CSNK1A1: variants seen among roughly 807,000 people sequenced by gnomAD.
The protein encoded by CSNK1A1 is casein kinase 1 alpha 1.
CSNK1A1 carries 7 observed loss-of-function variants against 46.1 expected under a neutral mutation model. That is an observed-to-expected ratio of 0.15 (90% confidence interval 0.09 to 0.29). The LOEUF is 0.29. Ranked by LOEUF, CSNK1A1 falls within the 10% of genes least tolerant of loss-of-function variation. The probability of loss-of-function intolerance (pLI) is 1.00; values close to 1 mark genes in which losing one functional copy is unlikely to be tolerated. For missense variants in CSNK1A1, 96 were observed against 417.1 expected, an observed-to-expected ratio of 0.23 and a Z score of 6.71; for synonymous variants, 137 against 141.5, an observed-to-expected ratio of 0.97 and a Z score of 0.23.
chr5:149,503,648 C>A (rs1760941642), intron 9 of CSNK1A1: 1 of 985,262 alleles, frequency 1.0e-6, no homozygotes, highest in Non-Finnish European at 1.2e-6. Context: ...AATTACAGTT[C>A]TTTCCCCCGC....
At chr5:149,538,790 C>T (rs779849656) in intron 2 of CSNK1A1, among the ~76,000 whole-genome samples, 4 of 152,032 alleles carry the variant, frequency 2.6e-5, no homozygotes, top group East Asian at 1.9e-4. Context: ...AGTGTGATGG[C>T]GCATGCCTGT....
At chr5:149,541,353 A>C (rs1762224048) in intron 2 of CSNK1A1, among the ~76,000 whole-genome samples, 1 of 151,692 alleles carries the variant, frequency 6.6e-6, no homozygotes, top group Non-Finnish European at 1.5e-5. Context: ...GGATTTCACC[A>C]TGTTGGCCAG....
chr5:149,521,633 G>A (rs975040953), intron 3 of CSNK1A1, among the ~76,000 whole-genome samples: 5 of 147,878 alleles, frequency 3.4e-5, no homozygotes, highest in Admixed American at 6.7e-5. Flanking sequence ...TTTTTTTTGA[G>A]ACAGAGTCTC....
At chr5:149,500,217 A>C (rs938169025) in intron 9 of CSNK1A1, among the ~76,000 whole-genome samples, 4 of 148,120 alleles carry the variant, frequency 2.7e-5, no homozygotes, top group African/African-American at 7.5e-5. Context: ...GGCTCACTGC[A>C]AGCTCCGCCT....
chr5:149,520,416 T>G, intron 3 of CSNK1A1, 28 bp from the exon 4 acceptor site: 1 of 1,269,046 alleles, frequency 7.9e-7, no homozygotes, highest in Non-Finnish European at 1.1e-6. Context: ...GAGAGATAAT[T>G]GAGTTAAGTA....
chr5:149,530,356 T>A (rs189433745), intron 2 of CSNK1A1, among the ~76,000 whole-genome samples: 59 of 152,344 alleles, frequency 3.9e-4, no homozygotes, highest in African/African-American at 1.3e-3. Context: ...CATCTATTTA[T>A]CCCTAGTTCA....
intron 7 of CSNK1A1, 26 bp downstream of exon 7, chr5:149,509,849 ATTTT>A: frequency 6.4e-7 from 1 of 1,554,862 alleles, no homozygotes; most frequent in Non-Finnish European, 8.8e-7. Flanking sequence ...CTTCATTTAT[ATTTT>A]TTTAATATTC....
At chr5:149,507,589 G>A (rs1236569429) in intron 7 of CSNK1A1, among the ~76,000 whole-genome samples, 1 of 152,008 alleles carries the variant, frequency 6.6e-6, no homozygotes, top group Non-Finnish European at 1.5e-5. Context: ...AGCTTCCTGA[G>A]TAGCTGGGAC....
rs919585032 is a variant in CSNK1A1 at position 149,550,537 on chromosome 5, A to C, written c.123+305T>G. 3.3e-5 allele frequency among the ~76,000 whole-genome samples: 5 copies of C among 151,544 alleles called. No homozygotes were observed. The highest frequency in any genetic ancestry group is 1.2e-4 in the African/African-American group (5 of 41,164). On this transcript the variant is annotated intron_variant, in intron 1 of 9. Transcript: ENST00000377843. The surrounding 1 kb of genome is among the most constrained non-coding windows in gnomAD (Gnocchi z 4.3). Reference sequence around the variant, plus strand: ...TTAAAAAAAAAAAAACATGGGAATCACTGAAAGAGGATTTTGCCGTTTCCA... The same window carrying C: ...TTAAAAAAAAAAAAACATGGGAATCCCTGAAAGAGGATTTTGCCGTTTCCA...
intron 6 of CSNK1A1, 72 bp downstream of exon 6, chr5:149,511,722 C>CT: frequency 2.8e-6 from 3 of 1,087,748 alleles, no homozygotes; most frequent in Non-Finnish European, 4.1e-6. Context: ...GACCTTAAAT[C>CT]TTATCTTCTC....
rs1762619657 is a variant in CSNK1A1, at chr5:149,550,380, C to T, written c.124-199G>A. 2 of 1,372,386 alleles carry T rather than the reference C, an allele frequency of 1.5e-6. No individual in the cohort carries two copies. Among genetic ancestry groups the T allele is most frequent in the Non-Finnish European group, 1.9e-6 (2 of 1,063,934 alleles). 85.0% of individuals were successfully genotyped at this position (1,372,386 alleles called of 1,614,324 possible). The stretch of plus-strand genomic sequence containing the variant: ...TCAGGGGGTAGTGACGAAATCCGTA[C>T]GTCCTCTAAAGTGCAGGAAAATGAT... On this transcript the variant is annotated intron_variant, in intron 1 of 9. Transcript: ENST00000377843. The surrounding 1 kb of genome is among the most constrained non-coding windows in gnomAD (Gnocchi z 4.3).
At chr5:149,542,266 C>A (rs1762257219) in intron 2 of CSNK1A1, among the ~76,000 whole-genome samples, 1 of 151,870 alleles carries the variant, frequency 6.6e-6, no homozygotes, top group Non-Finnish European at 1.5e-5. Context: ...TCTCCCATGA[C>A]CCCCAGATGG....
At chr5:149,531,961 A>G (rs1761914781) in intron 2 of CSNK1A1, among the ~76,000 whole-genome samples, 3 of 152,028 alleles carry the variant, frequency 2.0e-5, no homozygotes, top group African/African-American at 7.2e-5. Context: ...TTGGTTCACT[A>G]CAGTCTCTGC....
chr5:149,501,438 G>A, intron 9 of CSNK1A1: 2 of 985,450 alleles, frequency 2.0e-6, no homozygotes, highest in Non-Finnish European at 2.4e-6. Context: ...GCAGCAATTG[G>A]TGAACTCAGA....
chr5:149,519,423 T>C (rs2113111245), intron 4 of CSNK1A1, among the ~76,000 whole-genome samples: 1 of 152,286 alleles, frequency 6.6e-6, no homozygotes, highest in South Asian at 2.1e-4. Context: ...TTCTATCAGA[T>C]AGATCATCAG....
intron 9 of CSNK1A1, chr5:149,502,305 A>T: frequency 1.0e-6 from 1 of 965,066 alleles, no homozygotes; most frequent in South Asian, 4.8e-5. Flanking sequence ...ATCCTCTGAA[A>T]ATTTAACTCT....
At chr5:149,531,806 T>G (rs1191187905) in intron 2 of CSNK1A1, among the ~76,000 whole-genome samples, 12 of 148,558 alleles carry the variant, frequency 8.1e-5, no homozygotes, top group African/African-American at 2.7e-4. Context: ...GCCACTGCAC[T>G]CAAGCCTGGG....
chr5:149,507,449 G>A (rs1396262610), intron 7 of CSNK1A1, among the ~76,000 whole-genome samples: 1 of 150,906 alleles, frequency 6.6e-6, no homozygotes, highest in South Asian at 2.1e-4. Flanking sequence ...TATCAAAGTC[G>A]CGCCTCTTCG....
chr5:149,537,697 A>G (rs79985236), intron 2 of CSNK1A1, among the ~76,000 whole-genome samples: 3,838 of 136,146 alleles, frequency 0.028, 72 homozygotes, highest in Non-Finnish European at 0.042. Context: ...TACAAACTCT[A>G]TAAGTGGTAA....
Sources: gnomAD v4.1 joint callset for allele counts (sites outside exome capture counted in the v4.1 genomes callset) on GRCh38, gnomAD v4.1.1 for gene constraint, Gnocchi (gnomAD v3.1) non-coding constraint, MANE v1.5 for transcripts, NCBI Gene and HGNC (gene_info 2026-07-23, HGNC 2026-07-21) for gene names.